The following ATP8B4 variants were observed in gnomAD, a reference collection of about 807,000 sequenced individuals.
ATP8B4 encodes the protein probable phospholipid-transporting ATPase IM.
ATP8B4 carries 133 observed loss-of-function variants against 145.6 expected under a neutral mutation model. The observed-to-expected ratio is 0.91, with a 90% CI of 0.79 to 1.05. ATP8B4 has a LOEUF of 1.05. Among genes scored for constraint, ATP8B4 ranks in the 50% least tolerant of loss-of-function variants. ATP8B4 has a pLI of 0.00. For missense variants in ATP8B4, 1,458 were observed against 1,425.2 expected (o/e 1.02, Z -0.37); for synonymous variants, 507 against 492.9 (o/e 1.03, Z -0.38).
chr15:49,864,418 A>T (rs2032418164), intron 26 of ATP8B4, among the ~76,000 whole-genome samples: 1 of 152,200 alleles, frequency 6.6e-6, no homozygotes, highest in African/African-American at 2.4e-5. Context: ...CTCTTGCCTG[A>T]TTAAGTTCAA....
At chr15:50,150,629 C>T (rs2044335919) in intron 1 of ATP8B4, among the ~76,000 whole-genome samples, 1 of 152,214 alleles carries the variant, frequency 6.6e-6, no homozygotes, top group African/African-American at 2.4e-5. Flanking sequence ...TCAGGCTAGC[C>T]TACCTGGAGT....
At chr15:50,047,234 G>A (rs1366293433) in intron 4 of ATP8B4, 117 bp downstream of exon 4, 1 of 652,400 alleles carries the variant, frequency 1.5e-6, no homozygotes, top group Non-Finnish European at 2.6e-6. Context: ...TTAAAAATCT[G>A]ATAAAGGATG....
At chr15:49,971,368 C>A (rs934984865) in intron 13 of ATP8B4, among the ~76,000 whole-genome samples, 1 of 152,194 alleles carries the variant, frequency 6.6e-6, no homozygotes, top group Admixed American at 6.5e-5. Context: ...TTCAATCTAT[C>A]CATCTGACAA....
intron 25 of ATP8B4, among the ~76,000 whole-genome samples, chr15:49,869,316 T>C (rs1394509779): frequency 1.3e-5 from 2 of 151,622 alleles, no homozygotes; most frequent in Non-Finnish European, 1.5e-5. Flanking sequence ...AATATTAATA[T>C]AGCATGATAA....
At chr15:50,078,517 A>G (rs1012602575) in intron 2 of ATP8B4, among the ~76,000 whole-genome samples, 1 of 152,024 alleles carries the variant, frequency 6.6e-6, no homozygotes, top group Non-Finnish European at 1.5e-5. Context: ...CACAAAATAT[A>G]TATCAAAATG....
At chr15:50,110,232 T>C (rs932008445) in intron 1 of ATP8B4, among the ~76,000 whole-genome samples, 3 of 152,136 alleles carry the variant, frequency 2.0e-5, no homozygotes, top group African/African-American at 7.2e-5. Flanking sequence ...AAACATAAAG[T>C]AACATCGAAA....
At chr15:50,165,055 C>CT (rs1296261576) in intron 1 of ATP8B4, among the ~76,000 whole-genome samples, 110 of 148,780 alleles carry the variant, frequency 7.4e-4, no homozygotes, top group East Asian at 2.4e-3. Context: ...CTTTTTTTTT[C>CT]TTTTTTTTTG....
intron 13 of ATP8B4, among the ~76,000 whole-genome samples, chr15:49,965,177 T>G (rs1396259064): frequency 6.6e-5 from 10 of 151,816 alleles, no homozygotes; most frequent in Non-Finnish European, 1.3e-4. Context: ...AAGCTGGGAG[T>G]GGAAGACAGC....
intron 26 of ATP8B4, among the ~76,000 whole-genome samples, chr15:49,862,850 GGCCTGATCACTTAGAGATTACCA>G (rs2032098916): frequency 6.6e-6 from 1 of 152,126 alleles, no homozygotes; most frequent in South Asian, 2.1e-4. Flanking sequence ...ACGGCTTAGT[GGCCTGATCACTTAGAGATTACCA>G]GCCTGAGCCA....
intron 25 of ATP8B4, among the ~76,000 whole-genome samples, chr15:49,875,458 G>T (rs1036789547): frequency 6.6e-6 from 1 of 152,132 alleles, no homozygotes; most frequent in African/African-American, 2.4e-5. Context: ...TTAACAGTTT[G>T]CTCAGTAATC....
chr15:49,968,465 G>C (rs564017839), intron 13 of ATP8B4, among the ~76,000 whole-genome samples: 1 of 152,228 alleles, frequency 6.6e-6, no homozygotes, highest in Admixed American at 6.5e-5. Flanking sequence ...AAAAGCAGGG[G>C]TTGCAATCCT....
intron 20 of ATP8B4, chr15:49,907,985 C>G (rs889466203): frequency 4.4e-6 from 2 of 453,950 alleles, no homozygotes; most frequent in African/African-American, 4.0e-5. Context: ...GCCTCTGGGA[C>G]CAAGCTGCCT....
intron 1 of ATP8B4, among the ~76,000 whole-genome samples, chr15:50,176,663 C>A (rs1267909748): frequency 1.3e-5 from 2 of 152,064 alleles, no homozygotes; most frequent in Non-Finnish European, 2.9e-5. Context: ...TGAAAAAATA[C>A]AAACCAAATC....
intron 1 of ATP8B4, among the ~76,000 whole-genome samples, chr15:50,129,115 G>A (rs1309968900): frequency 6.6e-6 from 1 of 152,070 alleles, no homozygotes; most frequent in Non-Finnish European, 1.5e-5. Context: ...ATTTTTTAGG[G>A]CATATAGGTA....
At chr15:49,941,349 G>A (rs1236807814) in intron 14 of ATP8B4, among the ~76,000 whole-genome samples, 1 of 152,122 alleles carries the variant, frequency 6.6e-6, no homozygotes, top group South Asian at 2.1e-4. Flanking sequence ...AAAATTTCCA[G>A]GAAACATGCT....
chr15:50,015,823 A>T (rs1567202200), intron 6 of ATP8B4, among the ~76,000 whole-genome samples: 1 of 152,216 alleles, frequency 6.6e-6, no homozygotes, highest in Non-Finnish European at 1.5e-5. Flanking sequence ...TTTATTTTAA[A>T]GAATGCAGAT....
intron 1 of ATP8B4, among the ~76,000 whole-genome samples, chr15:50,166,070 C>A (rs1455797760): frequency 2.0e-5 from 3 of 150,768 alleles, no homozygotes; most frequent in Admixed American, 6.6e-5. Flanking sequence ...GAATAAAGAA[C>A]AAATATAAGA....
intron 1 of ATP8B4, among the ~76,000 whole-genome samples, chr15:50,159,592 G>T (rs1038349839): frequency 2.6e-5 from 4 of 152,124 alleles, no homozygotes; most frequent in Non-Finnish European, 4.4e-5. Flanking sequence ...AAGGCTTTCA[G>T]TTTTTTCCCC....
At chr15:50,048,393 C>T (rs895562236) in intron 3 of ATP8B4, among the ~76,000 whole-genome samples, 1 of 152,082 alleles carries the variant, frequency 6.6e-6, no homozygotes, top group Non-Finnish European at 1.5e-5. Flanking sequence ...GTCAGAATGT[C>T]GTTAGCTACA....
Sources: gnomAD v4.1 joint callset for allele counts (sites outside exome capture counted in the v4.1 genomes callset) on GRCh38, gnomAD v4.1.1 for gene constraint, MANE v1.5 for transcripts, NCBI Gene and HGNC (gene_info 2026-07-23, HGNC 2026-07-21) for gene names.